The following HNRNPR variants were observed in gnomAD, a reference collection of about 807,000 sequenced individuals.
HNRNPR encodes heterogeneous nuclear ribonucleoprotein R.
HNRNPR carries 4 observed loss-of-function variants against 70.3 expected under a neutral mutation model. The observed-to-expected ratio is 0.06, with a 90% CI of 0.03 to 0.13. HNRNPR has a LOEUF of 0.13. Ranked by LOEUF, HNRNPR falls within the 10% of genes least tolerant of loss-of-function variation. The probability of loss-of-function intolerance (pLI) is 1.00; values close to 1 mark genes in which losing one functional copy is unlikely to be tolerated. For synonymous variants in HNRNPR, 241 were observed against 267.6 expected (o/e 0.90, Z 0.97); for missense variants, 423 against 788.5 (o/e 0.54, Z 5.55).
rs929465106 is a variant in HNRNPR at position 23,318,844 on chromosome 1, A to G, written c.812-156T>C. ...TAGACAATTAGATCAACATAATTAG[A>G]TATGGGGTTTGGGACAGTATTTGAT... is the stretch of plus-strand genomic sequence containing the variant. On this transcript the variant is annotated intron_variant, in intron 7 of 10. Coordinates refer to ENST00000302271, the MANE Select transcript of HNRNPR (RefSeq NM_005826.5). The surrounding 1 kb of genome is among the most constrained non-coding windows in gnomAD (Gnocchi z 4.2). 2 of 669,074 alleles carry G rather than the reference A, an allele frequency of 3.0e-6. No individual in the cohort carries two copies. The highest frequency in any genetic ancestry group is 5.4e-5 in the Admixed American group (2 of 36,838). The allele number at this position is 669,074 out of a possible 1,614,324, so 41.4% of individuals were successfully genotyped here. A position where few individuals can be genotyped will look rare whatever the true frequency, so the allele number is the denominator to read the frequency against.
chr1:23,310,974 G>T lies in HNRNPR; in HGVS notation c.1382C>A (p.Pro461His). The change falls in exon 11 of 11, where the codon CCT (proline) becomes CAT (histidine). Residue 461 changes from proline (P) to histidine (H), a missense_variant. Pro to His is a moderately conservative substitution (Grantham distance 77). Transcript: ENST00000302271. The surrounding 1 kb of genome is among the most constrained non-coding windows in gnomAD (Gnocchi z 6.0). ...ATCTTCATAGCCGTAGTAATCTGGA[G>T]GGTAGCCATATCCACCTCTCCCCCC... The part of the protein sequence containing the change: ...RGGGRGGYGY[P>H]PDYYGYEDYY... 5.0e-6 allele frequency: 8 copies of T among 1,614,124 alleles called. No individual in the cohort carries two copies. The highest frequency in any genetic ancestry group is 6.8e-6 in the Non-Finnish European group (8 of 1,180,026).
chr1:23,336,663 T>C (rs1266072686), intron 4 of HNRNPR, among the ~76,000 whole-genome samples: 2 of 139,592 alleles, frequency 1.4e-5, no homozygotes, highest in African/African-American at 5.5e-5. Context: ...GGCAGGAGAA[T>C]CGCTTGAACC....
At chr1:23,331,834 T>TA (rs59006948) in intron 5 of HNRNPR, among the ~76,000 whole-genome samples, 9,259 of 59,124 alleles carry the variant, frequency 0.16, 1,234 homozygotes, top group Admixed American at 0.3. Context: ...ACTGTTTCTT[T>TA]AAAAAAAAAA....
chr1:23,328,187 T>A (rs1229407724), intron 5 of HNRNPR, among the ~76,000 whole-genome samples: 1 of 152,120 alleles, frequency 6.6e-6, no homozygotes, highest in African/African-American at 2.4e-5. Flanking sequence ...CAGAGTAAGT[T>A]AAACCATGGT....
rs573950314 is a variant in HNRNPR, at chr1:23,323,865, AC to A, written c.499-134del. ...AAAGAATGGAAACAATCTGAAACTTACAGTTGACTTGCAGAGCTAATCCTAA... is the reference window on the plus strand; with the variant it reads ...AAAGAATGGAAACAATCTGAAACTTAAGTTGACTTGCAGAGCTAATCCTAA... On this transcript the variant is annotated intron_variant, in intron 5 of 10. Coordinates refer to ENST00000302271, the MANE Select transcript of HNRNPR (RefSeq NM_005826.5). 4.8e-5 allele frequency: 34 copies of A among 711,344 alleles called. No homozygotes were observed. In the East Asian group the frequency reaches 8.7e-4, roughly 18 times the overall value. 44.1% of individuals were successfully genotyped at this position (711,344 alleles called of 1,614,324 possible).
rs187491446 is a variant in HNRNPR, at chr1:23,307,162, T to C, written c.*3292A>G. 4.6e-5 allele frequency: 7 copies of C among 152,274 alleles called. No individual in the cohort carries two copies. In the East Asian group the frequency reaches 5.8e-4, roughly 13 times the overall value. 9.4% of individuals were successfully genotyped at this position (152,274 alleles called of 1,614,324 possible). A position where few individuals can be genotyped will look rare whatever the true frequency, so the allele number is the denominator to read the frequency against. On this transcript the variant is annotated 3_prime_UTR_variant, in exon 11 of 11. Transcript: ENST00000302271. ...TTAACATATTTAGAAGCCTTGATAA[T>C]TGACAAGCAATAGCCTTATAGCAAG...
rs1170875510 is a variant in HNRNPR, at chr1:23,308,541, A to G, written c.*1913T>C. The G allele has an allele frequency of 1.3e-5, 2 of 152,094 alleles. No individual in the cohort carries two copies. The highest frequency in any genetic ancestry group is 2.9e-5 in the Non-Finnish European group (2 of 67,922). The allele number at this position is 152,094 out of a possible 1,614,324, so 9.4% of individuals were successfully genotyped here. A position where few individuals can be genotyped will look rare whatever the true frequency, so the allele number is the denominator to read the frequency against. ...GGTGTCTTTACTTGCATACATGGGCATAAGAAAAACAACTGGATCTGTCTT... is the reference window on the plus strand; with the variant it reads ...GGTGTCTTTACTTGCATACATGGGCGTAAGAAAAACAACTGGATCTGTCTT... On this transcript the variant is annotated 3_prime_UTR_variant, in exon 11 of 11. Coordinates refer to ENST00000302271, the MANE Select transcript of HNRNPR (RefSeq NM_005826.5).
intron 9 of HNRNPR, among the ~76,000 whole-genome samples, chr1:23,313,185 T>A (rs1457528207): frequency 1.3e-5 from 2 of 152,144 alleles, no homozygotes; most frequent in Admixed American, 1.3e-4. Flanking sequence ...TGTACACCAC[T>A]CAGTTTCCTT....
At chr1:23,312,734 C>A (rs956521855) in intron 9 of HNRNPR, among the ~76,000 whole-genome samples, 7 of 152,128 alleles carry the variant, frequency 4.6e-5, no homozygotes, top group African/African-American at 1.7e-4. Flanking sequence ...AAAAAATGCT[C>A]AGATTAGAGA....
At position 23,310,938 on chromosome 1, in the gene HNRNPR, T is replaced by G. The variant is rs766767348; in HGVS notation, c.1418A>C (p.Asp473Ala). ...DYYGYEDYYDDYYGYDYHDYR... is the reference protein window; with the variant it reads ...DYYGYEDYYDAYYGYDYHDYR... The stretch of plus-strand genomic sequence containing the variant: ...GTCGTGATAATCATAACCATAGTAA[T>G]CATCATAGTAATCTTCATAGCCGTA... The change falls in exon 11 of 11, where the codon GAT (aspartate) becomes GCT (alanine). Residue 473 changes from aspartate to alanine, a missense_variant. This residue lies in a region of HNRNPR where 169 missense variants were observed against 195.6 expected (regional missense o/e 0.86). Coordinates refer to ENST00000302271, the MANE Select transcript of HNRNPR (RefSeq NM_005826.5). This position sits in a 1 kb window ranked among gnomAD's most constrained non-coding sequence, Gnocchi z 6.0. 1 of 1,613,930 alleles carries G rather than the reference T, an allele frequency of 6.2e-7. No homozygotes were observed. Among genetic ancestry groups the G allele is most frequent in the Non-Finnish European group, 8.5e-7 (1 of 1,180,010 alleles).
chr1:23,340,322 A>AG (rs1313688863), intron 2 of HNRNPR, among the ~76,000 whole-genome samples: 2 of 152,078 alleles, frequency 1.3e-5, no homozygotes, highest in African/African-American at 4.8e-5. Context: ...AAAAAAAAAA[A>AG]AAGAAGCAGC....
chr1:23,313,861 A>AT (rs1557829103), intron 8 of HNRNPR, among the ~76,000 whole-genome samples, 159 bp from the exon 9 acceptor site: 2 of 152,192 alleles, frequency 1.3e-5, no homozygotes, highest in African/African-American at 4.8e-5. Flanking sequence ...AATGACACTG[A>AT]TATCAGTCAC....
Position 23,318,112 on chromosome 1 carries a change from T to C in HNRNPR, c.1017+371A>G, listed in dbSNP as rs17256736. ...AGTAATAAAGTCATAATATAGTCAA[T>C]GAAGATTATAACTTATAATCTCCAA... On this transcript the variant is annotated intron_variant, in intron 8 of 10. Transcript: ENST00000302271. This position sits in a 1 kb window ranked among gnomAD's most constrained non-coding sequence, Gnocchi z 4.2. Among the ~76,000 whole-genome samples, 712 of 151,330 alleles carry C rather than the reference T, an allele frequency of 4.7e-3. 4 individuals carry two copies. Among genetic ancestry groups the C allele is most frequent in the Admixed American group, 6.8e-3 (103 of 15,246 alleles).
intron 2 of HNRNPR, among the ~76,000 whole-genome samples, chr1:23,339,542 G>A (rs774881774): frequency 1.2e-4 from 18 of 152,132 alleles, no homozygotes; most frequent in South Asian, 2.1e-4. Flanking sequence ...TTGATCCAAC[G>A]TAAAATGCAA....
intron 5 of HNRNPR, among the ~76,000 whole-genome samples, chr1:23,328,476 G>C (rs1213239650): frequency 8.5e-5 from 13 of 152,090 alleles, no homozygotes; most frequent in Non-Finnish European, 1.5e-5. Context: ...TAGTTACCTT[G>C]AGCAAGTTTC....
chr1:23,330,938 T>C (rs1042889153), intron 5 of HNRNPR, among the ~76,000 whole-genome samples: 3 of 152,208 alleles, frequency 2.0e-5, no homozygotes, highest in African/African-American at 7.2e-5. Flanking sequence ...AAAACCAATT[T>C]ATTATATCTA....
In HNRNPR at chr1:23,310,978, A is replaced by G. The variant is rs1314338944; in HGVS notation, c.1378T>C (p.Tyr460His). The G allele has an allele frequency of 6.2e-7, 1 of 1,614,076 alleles. No individual in the cohort carries two copies. Among genetic ancestry groups the G allele is most frequent in the African/African-American group, 1.3e-5 (1 of 74,936 alleles). The stretch of plus-strand genomic sequence containing the variant: ...TCATAGCCGTAGTAATCTGGAGGGT[A>G]GCCATATCCACCTCTCCCCCCACCA... Reference protein sequence around the residue: ...GRGGGRGGYGYPPDYYGYEDY... With the variant: ...GRGGGRGGYGHPPDYYGYEDY... Residue 460 changes from tyrosine to histidine, a missense_variant, in exon 11 of 11, where the codon TAC becomes CAC. By Grantham distance (83) the Tyr-to-His change is moderately conservative. This residue lies in a region of HNRNPR where 169 missense variants were observed against 195.6 expected (regional missense o/e 0.86). Coordinates refer to ENST00000302271, the MANE Select transcript of HNRNPR (RefSeq NM_005826.5). This position sits in a 1 kb window ranked among gnomAD's most constrained non-coding sequence, Gnocchi z 6.0.
chr1:23,312,430 G>A (rs183067994), intron 9 of HNRNPR, among the ~76,000 whole-genome samples: 29 of 152,238 alleles, frequency 1.9e-4, no homozygotes, highest in African/African-American at 5.8e-4. Context: ...GAAACCAGTC[G>A]AGTCAGGAGG....
intron 9 of HNRNPR, chr1:23,311,648 A>C (rs1645341922): frequency 5.2e-6 from 1 of 193,222 alleles, no homozygotes; most frequent in African/African-American, 2.4e-5. Flanking sequence ...CATACCAAAG[A>C]AGCAAATCCA....
Sources: gnomAD v4.1 joint callset for allele counts (sites outside exome capture counted in the v4.1 genomes callset) on GRCh38, gnomAD v4.1.1 for gene constraint, gnomAD v4.1.1 regional missense constraint, Gnocchi (gnomAD v3.1) non-coding constraint, MANE v1.5 for transcripts, NCBI Gene and HGNC (gene_info 2026-07-23, HGNC 2026-07-21) for gene names.